The following ASB10 variants were observed in gnomAD, a reference collection of about 807,000 sequenced individuals.
ASB10 encodes the protein ankyrin repeat and SOCS box containing 10.
A neutral mutation model predicts 35.4 loss-of-function variants in ASB10; 44 were observed. The observed-to-expected ratio is 1.24, with a 90% CI of 0.98 to 1.60. The LOEUF is 1.60. ASB10 is among the 40% of genes most tolerant of loss of function. The probability of loss-of-function intolerance (pLI) is 0.00; values close to 1 mark genes in which losing one functional copy is unlikely to be tolerated. For synonymous variants in ASB10, 294 were observed against 280.4 expected (o/e 1.05, Z -0.49); for missense variants, 647 against 634.3 (o/e 1.02, Z -0.22).
rs139505650 is a variant in ASB10 at position 151,186,516 on chromosome 7, C to G, written c.460G>C (p.Glu154Gln). 6.2e-7 allele frequency: 1 copy of G among 1,602,410 alleles called. No individual in the cohort carries two copies. The highest frequency in any genetic ancestry group is 8.5e-7 in the Non-Finnish European group (1 of 1,175,042). Residue 154 changes from glutamate (E) to glutamine (Q), a missense_variant, in exon 2 of 6, where the codon GAG becomes CAG. Transcript: ENST00000420175. The stretch of plus-strand genomic sequence containing the variant: ...GCAGTGTGGCCTGCAGCACAGGCCT[C>G]GTGCAGGGCGGTGCGGCCCCCAGGG... The part of the protein sequence containing the change: ...SAPGGRTALH[E>Q]ACAAGHTACV...
At chr7:151,177,625 A>G (rs1235955281) in intron 3 of ASB10, among the ~76,000 whole-genome samples, 2 of 151,910 alleles carry the variant, frequency 1.3e-5, no homozygotes, top group Non-Finnish European at 2.9e-5. Context: ...TGGGTGGGGG[A>G]CTCACAGAGG....
rs775363638 is a variant in ASB10, at chr7:151,176,228, G to A, written c.1288C>T (p.Arg430Cys). ...RQPRSLQHLS[R>C]CALRSHLEGS... is the part of the protein sequence containing the mutation. ...TCCAGGTGGGAGCGGAGCGCACAGC[G>A]GCTCAAATGCTGCAGCGACCTGGGC... Residue 430 changes from arginine (R) to cysteine (C), a missense_variant, in exon 5 of 6, where the codon CGC becomes TGC. By Grantham distance (180) the Arg-to-Cys change is radical. Coordinates refer to ENST00000420175, the MANE Select transcript of ASB10 (RefSeq NM_001142459.2). The A allele has an allele frequency of 1.2e-6, 2 of 1,603,228 alleles. No homozygotes were observed. Among genetic ancestry groups the A allele is most frequent in the African/African-American group, 1.3e-5 (1 of 74,522 alleles).
chr7:151,184,860 A>G (rs891313234), intron 2 of ASB10, among the ~76,000 whole-genome samples: 1 of 151,870 alleles, frequency 6.6e-6, no homozygotes, highest in African/African-American at 2.4e-5. Flanking sequence ...GTCTCTACTA[A>G]AAATACAAAA....
chr7:151,187,408 C>T, upstream of ASB10: 9 of 1,550,276 alleles, frequency 5.8e-6, no homozygotes, highest in Non-Finnish European at 7.8e-6. The surrounding 1 kb of genome is among the most constrained non-coding windows in gnomAD (Gnocchi z 5.3). Flanking sequence ...CCGAGGCAGT[C>T]AGCCCAGCCC....
At position 151,181,368 on chromosome 7, in the gene ASB10, A is replaced by C; in HGVS notation, c.675T>G (p.Leu225=). The C allele has an allele frequency of 6.2e-7, 1 of 1,612,998 alleles. No homozygotes were observed. The highest frequency in any genetic ancestry group is 8.5e-7 in the Non-Finnish European group (1 of 1,179,918). The change falls in exon 3 of 6, where the codon CTT becomes CTG. Residue 225 remains leucine (L), a synonymous_variant. Transcript: ENST00000420175. ...EETPLHVAAR[L]GHVELADLLL... ...GCAGATCTGCCAGCTCCACATGGCC[A>C]AGCCGGGCGGCCACATGCAAAGGGG...
At chr7:151,180,793 G>T in intron 3 of ASB10, 146 bp downstream of exon 3, 1 of 1,364,504 alleles carries the variant, frequency 7.3e-7, no homozygotes, top group Admixed American at 2.9e-5. Flanking sequence ...ACCCCTATTT[G>T]GGCTTTGCTT....
Position 151,186,967 on chromosome 7 carries a change from G to A in ASB10, c.164C>T (p.Ala55Val), listed in dbSNP as rs553859901. 1.0e-4 allele frequency: 169 copies of A among 1,613,872 alleles called. No homozygotes were observed. The South Asian group carries it at 1.7e-3, about 17-fold the overall frequency. ...PIVTRTASGPALAFWQAVLAG... is the reference protein window; with the variant it reads ...PIVTRTASGPVLAFWQAVLAG... ...CAGCACTGCCTGCCAGAAGGCAAGG[G>A]CAGGTCCTGAGGCTGTGCGGGTGAC... Residue 55 changes from alanine to valine, a missense_variant, in exon 1 of 6, where the codon GCC becomes GTC. By Grantham distance (64) the Ala-to-Val change is moderately conservative. Coordinates refer to ENST00000420175, the MANE Select transcript of ASB10 (RefSeq NM_001142459.2).
At chr7:151,179,121 A>G (rs1368067501) in intron 3 of ASB10, among the ~76,000 whole-genome samples, 2 of 152,260 alleles carry the variant, frequency 1.3e-5, no homozygotes, top group African/African-American at 4.8e-5. Flanking sequence ...TTTCTCATAC[A>G]TTACATAACA....
Position 151,175,864 on chromosome 7 carries a change from G to A in ASB10, c.*103C>T. On this transcript the variant is annotated 3_prime_UTR_variant, in exon 6 of 6. Coordinates refer to ENST00000420175, the MANE Select transcript of ASB10 (RefSeq NM_001142459.2). ...AGCATCCACACCTGCCTGCGGAGCT[G>A]GGCCTCCTGCTGCCAGGGCTACCTG... 1.9e-6 allele frequency: 1 copy of A among 514,720 alleles called. No individual in the cohort carries two copies. The highest frequency in any genetic ancestry group is 3.4e-6 in the Non-Finnish European group (1 of 295,182). The allele number at this position is 514,720 out of a possible 1,614,324, so 31.9% of individuals were successfully genotyped here.
rs372782364 is a variant in ASB10 at position 151,183,736 on chromosome 7, C to T, written c.585-2278G>A. On this transcript the variant is annotated intron_variant, in intron 2 of 5. Coordinates refer to ENST00000420175, the MANE Select transcript of ASB10 (RefSeq NM_001142459.2). Reference sequence around the variant, plus strand: ...GAGTAGCTGGGATTACAGGTGCCCGCCACCATGTCCAGCTAATTTTTGTAT... The same window carrying T: ...GAGTAGCTGGGATTACAGGTGCCCGTCACCATGTCCAGCTAATTTTTGTAT... 8.7e-4 allele frequency among the ~76,000 whole-genome samples: 132 copies of T among 152,286 alleles called. 1 individual carries two copies. Among genetic ancestry groups the T allele is most frequent in the African/African-American group, 2.9e-3 (121 of 41,558 alleles).
At position 151,180,817 on chromosome 7, in the gene ASB10, AAGAC is replaced by A. The variant is rs534445831; in HGVS notation, c.1104+118_1104+121del. 28 of 1,403,218 alleles carry A rather than the reference AAGAC, an allele frequency of 2.0e-5. No homozygotes were observed. The Admixed American group carries it at 3.2e-4, about 16-fold the overall frequency. The allele number at this position is 1,403,218 out of a possible 1,614,324, so 86.9% of individuals were successfully genotyped here. Reference sequence around the variant, plus strand: ...TGGGCTTTGCTTACATGCTGAATGAAAGACAGACAGAAGGAACCAATCTATGTGC... The same window carrying A: ...TGGGCTTTGCTTACATGCTGAATGAAAGACAGAAGGAACCAATCTATGTGC... On this transcript the variant is annotated intron_variant, in intron 3 of 5. Coordinates refer to ENST00000420175, the MANE Select transcript of ASB10 (RefSeq NM_001142459.2).
At chr7:151,186,307 C>A (rs1453496408) in intron 2 of ASB10, 85 bp downstream of exon 2, 2 of 1,465,344 alleles carry the variant, frequency 1.4e-6, no homozygotes, top group Non-Finnish European at 1.8e-6. Context: ...TCCCAGGTCC[C>A]TGACATTTTC....
Position 151,186,810 on chromosome 7 carries a change from C to T in ASB10, c.316+5G>A, listed in dbSNP as rs764697396. 5.1e-6 allele frequency: 8 copies of T among 1,583,492 alleles called. No individual in the cohort carries two copies. The highest frequency in any genetic ancestry group is 3.4e-5 in the Admixed American group (2 of 58,052). ...ACTGAGAGCCCCCAGTGCCCCGGCC[C>T]GTACTCAGAGCACGGATGTTGAAGC... On this transcript the variant is annotated splice_donor_5th_base_variant and intron_variant, in intron 1 of 5. Coordinates refer to ENST00000420175, the MANE Select transcript of ASB10 (RefSeq NM_001142459.2).
chr7:151,186,687 T>A (rs758955402), intron 1 of ASB10, 28 bp from the exon 2 acceptor site: 1 of 1,581,084 alleles, frequency 6.3e-7, no homozygotes, highest in Middle Eastern at 1.7e-4. Flanking sequence ...GGGCCTCAGA[T>A]CCCCAGGGAA....
Position 151,176,166 on chromosome 7 carries a change from C to T in ASB10, c.1350G>A (p.Leu450=). The change falls in exon 5 of 6, where the codon CTG becomes CTA. Residue 450 remains leucine, a synonymous_variant. Transcript: ENST00000420175. ...GCAGGTAGCGGAGCAGGCGCGGTGG[C>T]AGGGGGAGGCGGGGCAGCGCTTGGG... ...SLPQALPRLP[L]PPRLLRYLQL... 1.2e-6 allele frequency: 2 copies of T among 1,611,784 alleles called. No individual in the cohort carries two copies. Among genetic ancestry groups the T allele is most frequent in the Non-Finnish European group, 1.7e-6 (2 of 1,179,810 alleles).
intron 1 of ASB10, 30 bp from the exon 2 acceptor site, chr7:151,186,689 C>T: frequency 1.9e-6 from 3 of 1,580,082 alleles, no homozygotes; most frequent in East Asian, 2.3e-5. Flanking sequence ...GCCTCAGATC[C>T]CCAGGGAAGG....
intron 3 of ASB10, among the ~76,000 whole-genome samples, chr7:151,178,288 G>A (rs980563373): frequency 3.8e-4 from 58 of 152,234 alleles, no homozygotes; most frequent in African/African-American, 1.4e-3. Context: ...GAGCATGGTT[G>A]GGGAGGGCAC....
chr7:151,186,373 G>T lies in ASB10; in HGVS notation c.584+19C>A, dbSNP rs1036918501. The T allele has an allele frequency of 1.9e-6, 3 of 1,567,768 alleles. No homozygotes were observed. The highest frequency in any genetic ancestry group is 2.6e-6 in the Non-Finnish European group (3 of 1,156,796). ...TCCCTTCAGAGTGGAACTGGGGGTT[G>T]GGGTGAGGGGTCACTCACTCAAGGG... On this transcript the variant is annotated intron_variant, in intron 2 of 5. Coordinates refer to ENST00000420175, the MANE Select transcript of ASB10 (RefSeq NM_001142459.2).
rs369445057 is a variant in ASB10 at position 151,181,452 on chromosome 7, C to T, written c.591G>A (p.Ala197=). Reference sequence around the variant, plus strand: ...TCGCTCCAAACCTGAGGAGCAGCTCCGCACACCTATTGGGGGGAGACGGTG... The same window carrying T: ...TCGCTCCAAACCTGAGGAGCAGCTCTGCACACCTATTGGGGGGAGACGGTG... The part of the protein sequence containing the change: ...LCRGPGTLEC[A]ELLLRFGARV... Residue 197 remains alanine, a synonymous_variant, in exon 3 of 6, where the codon GCG becomes GCA. Transcript: ENST00000420175. 105 of 1,589,080 alleles carry T rather than the reference C, an allele frequency of 6.6e-5. No individual in the cohort carries two copies. Among genetic ancestry groups the T allele is most frequent in the Middle Eastern group, 1.7e-4 (1 of 5,980 alleles).
Sources: gnomAD v4.1 joint callset for allele counts (sites outside exome capture counted in the v4.1 genomes callset) on GRCh38, gnomAD v4.1.1 for gene constraint, Gnocchi (gnomAD v3.1) non-coding constraint, MANE v1.5 for transcripts, NCBI Gene and HGNC (gene_info 2026-07-23, HGNC 2026-07-21) for gene names.